PMEPA1: variants seen among roughly 807,000 people sequenced by gnomAD.
PMEPA1 encodes prostate transmembrane protein, androgen induced 1, also known as protein TMEPAI.
PMEPA1 carries 11 observed loss-of-function variants against 23.0 expected under a neutral mutation model. The observed-to-expected ratio is 0.48, with a 90% confidence interval of 0.30 to 0.79. PMEPA1 has a LOEUF of 0.79. Ranked by LOEUF, PMEPA1 falls within the 30% of genes least tolerant of loss-of-function variation. PMEPA1 has a pLI of 0.06. For synonymous variants in PMEPA1, 204 were observed against 166.4 expected (o/e 1.23, Z -1.74); for missense variants, 377 against 390.9 (o/e 0.96, Z 0.30).
In PMEPA1 at chr20:57,683,335, C is replaced by G. The variant is rs2071746343; in HGVS notation, c.110-23638G>C. ...TTGCCATTCAGTTCTCTATGCCATG[C>G]TGGCCTGGTGACTTGGGTTAATATA... On this transcript the variant is annotated intron_variant, in intron 1 of 3. Transcript: ENST00000341744. This position sits in a 1 kb window ranked among gnomAD's most constrained non-coding sequence, Gnocchi z 4.3. Among the ~76,000 whole-genome samples the G allele has an allele frequency of 6.6e-6, 1 of 152,188 alleles. No individual in the cohort carries two copies. Among genetic ancestry groups the G allele is most frequent in the Non-Finnish European group, 1.5e-5 (1 of 68,038 alleles).
In PMEPA1 at chr20:57,704,144, T is replaced by A. The variant is rs2072046526; in HGVS notation, c.109+5330A>T. 6.6e-6 allele frequency among the ~76,000 whole-genome samples: 1 copy of A among 151,524 alleles called. No homozygotes were observed. The highest frequency in any genetic ancestry group is 1.5e-5 in the Non-Finnish European group (1 of 67,890). On this transcript the variant is annotated intron_variant, in intron 1 of 3. Coordinates refer to ENST00000341744, the MANE Select transcript of PMEPA1 (RefSeq NM_020182.5). This position sits in a 1 kb window ranked among gnomAD's most constrained non-coding sequence, Gnocchi z 4.6. ...ACTGCCAGCACTTAAAACCCAGGAG[T>A]TTTATGTCAAAATCTAACCATTCGG...
chr20:57,649,293 C>T lies in PMEPA1; in HGVS notation c.*2760G>A, dbSNP rs1471208049. ...TCTAGAGGAAAGGGTGCACCCTCAG[C>T]AGAGAAGCCGAGAGCTTAACTCTGG... is the stretch of plus-strand genomic sequence containing the variant. On this transcript the variant is annotated 3_prime_UTR_variant, in exon 4 of 4. Transcript: ENST00000341744. The T allele has an allele frequency of 6.6e-6, 1 of 152,224 alleles. No homozygotes were observed. Among genetic ancestry groups the T allele is most frequent in the Non-Finnish European group, 1.5e-5 (1 of 68,068 alleles). The allele number at this position is 152,224 out of a possible 1,614,324, so 9.4% of individuals were successfully genotyped here. A position where few individuals can be genotyped will look rare whatever the true frequency, so the allele number is the denominator to read the frequency against.
chr20:57,688,930 T>C (rs1301054420), intron 1 of PMEPA1, among the ~76,000 whole-genome samples: 1 of 152,214 alleles, frequency 6.6e-6, no homozygotes, highest in Non-Finnish European at 1.5e-5. Context: ...ATTCTGCATC[T>C]TTCCCCAGGG....
chr20:57,665,806 G>GC (rs2071484309), intron 1 of PMEPA1, among the ~76,000 whole-genome samples: 1 of 152,188 alleles, frequency 6.6e-6, no homozygotes, highest in Non-Finnish European at 1.5e-5. Flanking sequence ...TGGACCCAAG[G>GC]CCCCTCAGGG....
At chr20:57,684,355 G>A (rs967460050) in intron 1 of PMEPA1, among the ~76,000 whole-genome samples, 1 of 152,094 alleles carries the variant, frequency 6.6e-6, no homozygotes, top group Non-Finnish European at 1.5e-5. Flanking sequence ...AAGGGAACTC[G>A]GAAGCCTGCT....
intron 2 of PMEPA1, among the ~76,000 whole-genome samples, chr20:57,658,802 C>T (rs758197003): frequency 3.9e-5 from 6 of 152,192 alleles, no homozygotes; most frequent in African/African-American, 9.7e-5. Context: ...CAGCATAGCA[C>T]GGGCACGAGG....
Position 57,668,028 on chromosome 20 carries a change from G to A in PMEPA1, c.110-8331C>T, listed in dbSNP as rs374177775. Among the ~76,000 whole-genome samples, 6 of 152,186 alleles carry A rather than the reference G, an allele frequency of 3.9e-5. No individual in the cohort carries two copies. In the South Asian group the frequency reaches 6.2e-4, roughly 16 times the overall value. On this transcript the variant is annotated intron_variant, in intron 1 of 3. Transcript: ENST00000341744. ...GTCTTCCTCTTGAGGTTTGGGGGGCGGGCGGCAAATCTAGGCCGGTTTTCT... is the reference window on the plus strand; with the variant it reads ...GTCTTCCTCTTGAGGTTTGGGGGGCAGGCGGCAAATCTAGGCCGGTTTTCT...
At position 57,655,052 on chromosome 20, in the gene PMEPA1, C is replaced by T. The variant is rs139681756; in HGVS notation, c.265-1966G>A. Among the ~76,000 whole-genome samples, 4 of 152,168 alleles carry T rather than the reference C, an allele frequency of 2.6e-5. No individual in the cohort carries two copies. The East Asian group carries it at 5.8e-4, about 22-fold the overall frequency. ...GAGGCCCATACCCCCTAGATGTCCA[C>T]GGCCGTAGTATAGCTGTTTCCTTTA... On this transcript the variant is annotated intron_variant, in intron 2 of 3. Coordinates refer to ENST00000341744, the MANE Select transcript of PMEPA1 (RefSeq NM_020182.5). The surrounding 1 kb of genome is among the most constrained non-coding windows in gnomAD (Gnocchi z 4.2).
chr20:57,707,534 G>A lies in PMEPA1; in HGVS notation c.109+1940C>T, dbSNP rs573153506. ...AATCACTCAAAGGCTGCTGGCGGCG[G>A]CGGGGCAAAGTGCAGAGGGCGGCGG... On this transcript the variant is annotated intron_variant, in intron 1 of 3. Transcript: ENST00000341744. Among the ~76,000 whole-genome samples, 22 of 152,308 alleles carry A rather than the reference G, an allele frequency of 1.4e-4. No homozygotes were observed. The South Asian group carries it at 4.1e-3, about 29-fold the overall frequency.
At chr20:57,673,279 T>C (rs1600645317) in intron 1 of PMEPA1, among the ~76,000 whole-genome samples, 1 of 152,136 alleles carries the variant, frequency 6.6e-6, no homozygotes, top group East Asian at 1.9e-4. Flanking sequence ...CCATTTCCAA[T>C]GGCCCAGCCC....
At chr20:57,657,571 C>A (rs1437615405) in intron 2 of PMEPA1, among the ~76,000 whole-genome samples, 1 of 152,214 alleles carries the variant, frequency 6.6e-6, no homozygotes, top group Non-Finnish European at 1.5e-5. Flanking sequence ...CTGCAGCACG[C>A]CCTCCGGACA....
At chr20:57,692,445 C>A (rs544236194) in intron 1 of PMEPA1, among the ~76,000 whole-genome samples, 1 of 152,202 alleles carries the variant, frequency 6.6e-6, no homozygotes, top group Non-Finnish European at 1.5e-5. Flanking sequence ...GACAGGGGAG[C>A]GAAGCTCCCA....
At position 57,650,962 on chromosome 20, in the gene PMEPA1, C is replaced by G. The variant is rs926597216; in HGVS notation, c.*1091G>C. ...AGTCATCGAGCCCTCTGGCATGTCC[C>G]TGGTAGCCCGGGCACCAGCCGCTGC... On this transcript the variant is annotated 3_prime_UTR_variant, in exon 4 of 4. Coordinates refer to ENST00000341744, the MANE Select transcript of PMEPA1 (RefSeq NM_020182.5). 1 of 152,278 alleles carries G rather than the reference C, an allele frequency of 6.6e-6. No individual in the cohort carries two copies. Among genetic ancestry groups the G allele is most frequent in the Non-Finnish European group, 1.5e-5 (1 of 68,074 alleles). 9.4% of individuals were successfully genotyped at this position (152,278 alleles called of 1,614,324 possible). A position where few individuals can be genotyped will look rare whatever the true frequency, so the allele number is the denominator to read the frequency against.
intron 1 of PMEPA1, among the ~76,000 whole-genome samples, chr20:57,664,320 C>T (rs73302949): frequency 0.021 from 3,255 of 152,278 alleles, 103 homozygotes; most frequent in African/African-American, 0.066. Flanking sequence ...CGGGCCTCTA[C>T]GACGCACTGA....
chr20:57,652,463 G>A lies in PMEPA1; in HGVS notation c.454C>T (p.Leu152=). 6.2e-7 allele frequency: 1 copy of A among 1,612,158 alleles called. No individual in the cohort carries two copies. The highest frequency in any genetic ancestry group is 8.5e-7 in the Non-Finnish European group (1 of 1,178,714). ...HEIDLPPTIS[L]SDGEEPPPYQ... ...GGTGGGGGCTCCTCCCCGTCTGACA[G>A]CGAGATGGTGGGTGGCAGGTCGATC... Residue 152 remains leucine (L), a synonymous_variant, in exon 4 of 4, where the codon CTG becomes TTG. Coordinates refer to ENST00000341744, the MANE Select transcript of PMEPA1 (RefSeq NM_020182.5). This position sits in a 1 kb window ranked among gnomAD's most constrained non-coding sequence, Gnocchi z 6.1.
At chr20:57,695,485 CA>C (rs2071932692) in intron 1 of PMEPA1, among the ~76,000 whole-genome samples, 1 of 152,370 alleles carries the variant, frequency 6.6e-6, no homozygotes, top group Admixed American at 6.5e-5. Flanking sequence ...GGCCCTTTCA[CA>C]ATCCGTCTGC....
chr20:57,662,603 G>C (rs532639297), intron 1 of PMEPA1, among the ~76,000 whole-genome samples: 1 of 152,220 alleles, frequency 6.6e-6, no homozygotes, highest in Non-Finnish European at 1.5e-5. Flanking sequence ...GTCCAGGGCC[G>C]GGGCAGCCTG....
intron 1 of PMEPA1, among the ~76,000 whole-genome samples, chr20:57,673,158 C>G (rs1229306118): frequency 6.6e-6 from 1 of 152,172 alleles, no homozygotes; most frequent in Non-Finnish European, 1.5e-5. Flanking sequence ...CCTGGCCGCA[C>G]TGGGAGCAGA....
At chr20:57,671,317 G>A (rs1330675243) in intron 1 of PMEPA1, among the ~76,000 whole-genome samples, 1 of 152,156 alleles carries the variant, frequency 6.6e-6, no homozygotes, top group Non-Finnish European at 1.5e-5. Context: ...AACCAAATGT[G>A]TTTGTTAATT....
Sources: allele counts gnomAD v4.1 joint callset (sites outside exome capture counted in the v4.1 genomes callset), GRCh38; gene constraint gnomAD v4.1.1; non-coding constraint Gnocchi (gnomAD v3.1); transcripts MANE v1.5; gene names NCBI Gene and HGNC (gene_info 2026-07-23, HGNC 2026-07-21).